FSTL5: variants seen among roughly 807,000 people sequenced by gnomAD.
FSTL5 encodes follistatin-related protein 5.
FSTL5 carries 62 observed loss-of-function variants against 89.1 expected under a neutral mutation model. The ratio of observed to expected loss-of-function variants is 0.70; its 90% CI spans 0.57 to 0.86. The LOEUF is 0.86. FSTL5 is among the 40% of genes least tolerant of loss of function. The pLI is 0.00. For missense variants in FSTL5, 1,057 were observed against 1,001.6 expected (o/e 1.06, Z -0.75); for synonymous variants, 383 against 346.2 (o/e 1.11, Z -1.18).
At chr4:161,531,560 T>C (rs1335342268) in intron 10 of FSTL5, among the ~76,000 whole-genome samples, 1 of 152,166 alleles carries the variant, frequency 6.6e-6, no homozygotes. Context: ...AAATATATAA[T>C]AGAAGTATAA....
At chr4:162,099,647 T>C (rs1480815572) in intron 2 of FSTL5, among the ~76,000 whole-genome samples, 1 of 151,906 alleles carries the variant, frequency 6.6e-6, no homozygotes, top group African/African-American at 2.4e-5. Context: ...AACTGCATAA[T>C]AAGAAAAAAT....
At chr4:161,960,564 T>G (rs1360730263) in intron 3 of FSTL5, among the ~76,000 whole-genome samples, 1 of 152,104 alleles carries the variant, frequency 6.6e-6, no homozygotes, top group Admixed American at 6.6e-5. Flanking sequence ...CTAGTTGATA[T>G]GCAATATGTT....
intron 11 of FSTL5, among the ~76,000 whole-genome samples, chr4:161,504,019 T>C (rs1190165648): frequency 6.6e-6 from 1 of 151,940 alleles, no homozygotes; most frequent in African/African-American, 2.4e-5. Context: ...TCACAATTCA[T>C]GCAGAAGCAG....
intron 5 of FSTL5, among the ~76,000 whole-genome samples, chr4:161,772,899 G>C (rs1741259715): frequency 6.6e-6 from 1 of 152,086 alleles, no homozygotes. Context: ...GCAAGGCTAA[G>C]CAAAAAGAAC....
chr4:162,111,338 C>T lies in FSTL5; in HGVS notation c.59G>A (p.Gly20Glu). 3 of 1,612,156 alleles carry T rather than the reference C, an allele frequency of 1.9e-6. No homozygotes were observed. The South Asian group carries it at 3.3e-5, about 18-fold the overall frequency. Residue 20 changes from glycine to glutamate, a missense_variant, in exon 2 of 16, where the codon GGA becomes GAA. Physicochemically the swap from Gly to Glu is moderately conservative, Grantham distance 98 (BLOSUM62 -2). Transcript: ENST00000306100. ...ATATCCTCCTTCTTTGGTTGGCCTT[C>T]CTTCCGACTCCAGAAAAATGAATCC... ...VLGFIFLESE[G>E]RPTKEGGYGL...
At chr4:161,957,377 T>G (rs1304696872) in intron 3 of FSTL5, among the ~76,000 whole-genome samples, 1 of 152,144 alleles carries the variant, frequency 6.6e-6, no homozygotes, top group East Asian at 1.9e-4. Context: ...AATTATATTC[T>G]TATGTCAGTC....
At chr4:161,432,710 C>A (rs568700298) in intron 15 of FSTL5, among the ~76,000 whole-genome samples, 29 of 151,252 alleles carry the variant, frequency 1.9e-4, no homozygotes, top group African/African-American at 6.8e-4. Flanking sequence ...AAAGATAAGA[C>A]TCAAATAAAT....
intron 1 of FSTL5, among the ~76,000 whole-genome samples, chr4:162,143,741 CA>C (rs1561043138): frequency 0.16 from 21,243 of 136,360 alleles, 1,961 homozygotes; most frequent in African/African-American, 0.27. Flanking sequence ...CACACACACA[CA>C]CACACACCCA....
chr4:161,565,053 C>T (rs1262784739), intron 8 of FSTL5, among the ~76,000 whole-genome samples: 1 of 151,870 alleles, frequency 6.6e-6, no homozygotes, highest in Admixed American at 6.6e-5. Flanking sequence ...GTACAGGGAA[C>T]CTTCTACTTA....
At chr4:161,639,032 A>G (rs1018675843) in intron 7 of FSTL5, among the ~76,000 whole-genome samples, 1 of 151,598 alleles carries the variant, frequency 6.6e-6, no homozygotes, top group African/African-American at 2.4e-5. Context: ...ACAAACCCAC[A>G]GCCAATATCA....
intron 4 of FSTL5, among the ~76,000 whole-genome samples, chr4:161,854,475 A>G (rs1452943546): frequency 6.6e-6 from 1 of 152,150 alleles, no homozygotes; most frequent in Non-Finnish European, 1.5e-5. Flanking sequence ...ATTCATTGGA[A>G]CAATTACATA....
intron 6 of FSTL5, among the ~76,000 whole-genome samples, chr4:161,752,618 GA>G (rs1167093602): frequency 2.2e-4 from 34 of 151,946 alleles, no homozygotes; most frequent in Admixed American, 2.1e-3. Context: ...ATTCAGCTTT[GA>G]AAAATGTTCA....
intron 15 of FSTL5, among the ~76,000 whole-genome samples, chr4:161,393,231 T>C (rs1276647284): frequency 1.3e-5 from 2 of 151,944 alleles, no homozygotes; most frequent in African/African-American, 2.4e-5. Flanking sequence ...AATGTGTTCA[T>C]TTTATACATG....
At chr4:161,537,488 G>A (rs72685734) in intron 10 of FSTL5, among the ~76,000 whole-genome samples, 11,339 of 152,134 alleles carry the variant, frequency 0.075, 538 homozygotes, top group Middle Eastern at 0.15. Context: ...CAAACAATTC[G>A]GCTATCATAA....
At chr4:162,011,703 G>T (rs2111131926) in intron 3 of FSTL5, among the ~76,000 whole-genome samples, 1 of 152,138 alleles carries the variant, frequency 6.6e-6, no homozygotes, top group Middle Eastern at 3.4e-3. Flanking sequence ...CACCATGTTG[G>T]CCAGGCTGGT....
intron 4 of FSTL5, among the ~76,000 whole-genome samples, chr4:161,839,167 A>C (rs1731137078): frequency 6.6e-6 from 1 of 152,054 alleles, no homozygotes; most frequent in African/African-American, 2.4e-5. Flanking sequence ...ATGAAAAAAG[A>C]ATGGACATAA....
rs1018842758 is a variant in FSTL5, at chr4:161,920,494, A to G, written c.319T>C (p.Phe107Leu). 1.2e-6 allele frequency: 2 copies of G among 1,613,090 alleles called. No individual in the cohort carries two copies. The highest frequency in any genetic ancestry group is 1.7e-6 in the Non-Finnish European group (2 of 1,179,760). ...YKPVCGSDGE[F>L]YENHCEVHRA... ...TGCACTTCACAGTGGTTTTCATAGA[A>G]TTCTCCGTCAGATCCACACACAGGT... The change falls in exon 4 of 16, where the codon TTC becomes CTC. Residue 107 changes from phenylalanine to leucine, a missense_variant. By Grantham distance (22) the Phe-to-Leu change is conservative. Around this residue, in one of 3 missense-constraint regions of FSTL5, gnomAD observed 980 missense variants for 903.2 expected, o/e 1.08. Transcript: ENST00000306100.
intron 4 of FSTL5, among the ~76,000 whole-genome samples, chr4:161,891,598 A>C (rs1732991995): frequency 6.6e-6 from 1 of 152,146 alleles, no homozygotes; most frequent in Non-Finnish European, 1.5e-5. Flanking sequence ...TACTAATGTA[A>C]AGTTAGGAAT....
chr4:161,929,537 A>G (rs1273895945), intron 3 of FSTL5, among the ~76,000 whole-genome samples: 1 of 151,310 alleles, frequency 6.6e-6, no homozygotes, highest in African/African-American at 2.4e-5. Context: ...ATTTATTTTT[A>G]TGAATTTTTT....
Sources: allele counts gnomAD v4.1 joint callset (sites outside exome capture counted in the v4.1 genomes callset), GRCh38; gene constraint gnomAD v4.1.1; regional missense constraint gnomAD v4.1.1; transcripts MANE v1.5; gene names NCBI Gene and HGNC (gene_info 2026-07-23, HGNC 2026-07-21).